TCF4: variants seen among roughly 807,000 people sequenced by gnomAD.
TCF4 encodes transcription factor 4, also known as SL3-3 enhancer factor 2.
Under a neutral mutation model 82.1 loss-of-function variants are expected in TCF4, and 3 were observed. The ratio of observed to expected loss-of-function variants is 0.04; its 90% confidence interval spans 0.02 to 0.09. TCF4 has a LOEUF of 0.09. Ranked by LOEUF, TCF4 falls within the 10% of genes least tolerant of loss-of-function variation. The probability of loss-of-function intolerance (pLI) is 1.00; values close to 1 mark genes in which losing one functional copy is unlikely to be tolerated. For synonymous variants in TCF4, 276 were observed against 309.6 expected, an observed-to-expected ratio of 0.89 and a Z score of 1.14; for missense variants, 518 against 852.7, an observed-to-expected ratio of 0.61 and a Z score of 4.89.
chr18:55,569,054 ACT>A (rs1478852722), intron 3 of TCF4, among the ~76,000 whole-genome samples: 3 of 152,124 alleles, frequency 2.0e-5, no homozygotes, highest in Non-Finnish European at 4.4e-5. Flanking sequence ...CATGATAAAA[ACT>A]CTTCATGAAA....
intron 3 of TCF4, among the ~76,000 whole-genome samples, chr18:55,490,402 T>C (rs2096563742): frequency 6.6e-6 from 1 of 152,174 alleles, no homozygotes; most frequent in Non-Finnish European, 1.5e-5. Context: ...GCAGGAGTAA[T>C]ATACTTAATC....
intron 6 of TCF4, among the ~76,000 whole-genome samples, chr18:55,386,294 C>G (rs2092598070): frequency 1.3e-5 from 2 of 152,220 alleles, no homozygotes; most frequent in Admixed American, 1.3e-4. Flanking sequence ...ATAATACCAT[C>G]CACTTAGACC....
At position 55,515,792 on chromosome 18, in the gene TCF4, T is replaced by C. The variant is rs557957498; in HGVS notation, c.146-51655A>G. 4.2e-4 allele frequency among the ~76,000 whole-genome samples: 64 copies of C among 152,252 alleles called. 1 individual carries two copies. In the South Asian group the frequency reaches 8.7e-3, roughly 21 times the overall value. On this transcript the variant is annotated intron_variant, in intron 3 of 19. Transcript: ENST00000354452. The stretch of plus-strand genomic sequence containing the variant: ...GGACAGAACAAAATGAAGAGAAAAG[T>C]TAGTCTCAAAATTTGGAGGGGGGTG...
Position 55,562,428 on chromosome 18 carries a change from C to T in TCF4, c.145+22852G>A, listed in dbSNP as rs976381549. Among the ~76,000 whole-genome samples, 4 of 152,222 alleles carry T rather than the reference C, an allele frequency of 2.6e-5. No individual in the cohort carries two copies. The South Asian group carries it at 6.2e-4, about 24-fold the overall frequency. On this transcript the variant is annotated intron_variant, in intron 3 of 19. Coordinates refer to ENST00000354452, the MANE Select transcript of TCF4 (RefSeq NM_001083962.2). ...TTTTTAGCTTTATAAAATCAAACCA[C>T]GGAAATGTATATTTGAACCAGTGTC... is the stretch of plus-strand genomic sequence containing the variant.
chr18:55,625,810 TTTTA>T (rs1438832222), intron 2 of TCF4, among the ~76,000 whole-genome samples: 57 of 152,356 alleles, frequency 3.7e-4, no homozygotes, highest in Non-Finnish European at 5.9e-5. Flanking sequence ...AGGAAGTATT[TTTTA>T]TTTCTTTCCT....
chr18:55,228,088 T>A, intron 19 of TCF4, 58 bp from the exon 20 acceptor site: 1 of 1,149,080 alleles, frequency 8.7e-7, no homozygotes, highest in Non-Finnish European at 1.2e-6. Context: ...AGAAAAAGTA[T>A]GCTTTTTTTA....
intron 8 of TCF4, among the ~76,000 whole-genome samples, chr18:55,325,853 G>C (rs1026782398): frequency 1.1e-4 from 16 of 152,076 alleles, no homozygotes; most frequent in African/African-American, 3.4e-4. Flanking sequence ...ACATAACATA[G>C]TGTGAACAAG....
At chr18:55,418,911 C>T (rs1011936791) in intron 5 of TCF4, among the ~76,000 whole-genome samples, 3 of 152,132 alleles carry the variant, frequency 2.0e-5, no homozygotes, top group African/African-American at 4.8e-5. Context: ...ATTACACTTG[C>T]CCACACACAC....
intron 3 of TCF4, among the ~76,000 whole-genome samples, chr18:55,565,691 T>TA (rs2097398437): frequency 6.6e-6 from 1 of 151,952 alleles, no homozygotes; most frequent in African/African-American, 2.4e-5. Context: ...TGTTAGAAAA[T>TA]ATCTATAAAA....
intron 11 of TCF4, among the ~76,000 whole-genome samples, chr18:55,262,541 A>C (rs2058276788): frequency 6.6e-6 from 1 of 152,170 alleles, no homozygotes; most frequent in South Asian, 2.1e-4. Flanking sequence ...AGGTTAAATC[A>C]CCCAATGAAT....
chr18:55,618,633 G>C (rs2097714540), intron 2 of TCF4, among the ~76,000 whole-genome samples: 1 of 151,670 alleles, frequency 6.6e-6, no homozygotes, highest in Non-Finnish European at 1.5e-5. Flanking sequence ...CCAGGATAAA[G>C]TGCAGTGGCA....
intron 8 of TCF4, among the ~76,000 whole-genome samples, chr18:55,291,942 A>G (rs2065191312): frequency 6.6e-6 from 1 of 152,206 alleles, no homozygotes; most frequent in Admixed American, 6.5e-5. Flanking sequence ...CATATGAGCT[A>G]AAGAAATGTA....
At chr18:55,336,312 T>A (rs2078626310) in intron 8 of TCF4, among the ~76,000 whole-genome samples, 2 of 152,106 alleles carry the variant, frequency 1.3e-5, no homozygotes, top group South Asian at 4.1e-4. Flanking sequence ...CATTTTTTTT[T>A]ACTACTATAT....
chr18:55,333,967 T>C (rs1173911468), intron 8 of TCF4, among the ~76,000 whole-genome samples: 1 of 152,160 alleles, frequency 6.6e-6, no homozygotes, highest in Non-Finnish European at 1.5e-5. Flanking sequence ...TGTGACCCCT[T>C]TCATGAATTT....
chr18:55,513,494 A>C (rs888445235), intron 3 of TCF4, among the ~76,000 whole-genome samples: 6 of 151,934 alleles, frequency 3.9e-5, no homozygotes, highest in African/African-American at 1.5e-4. Flanking sequence ...GAAAGAGTGT[A>C]GTTTTCCTAA....
intron 5 of TCF4, chr18:55,422,654 G>C: frequency 4.9e-6 from 1 of 206,112 alleles, no homozygotes; most frequent in Non-Finnish European, 8.5e-6. Context: ...TGAAAAGTTG[G>C]CAGAGCCGCC....
chr18:55,382,494 A>C (rs2092072859), intron 6 of TCF4, among the ~76,000 whole-genome samples: 1 of 152,154 alleles, frequency 6.6e-6, no homozygotes, highest in African/African-American at 2.4e-5. Flanking sequence ...AATGTGAAAA[A>C]AAAGTCTTAG....
chr18:55,354,971 A>G (rs1054808748), intron 6 of TCF4, among the ~76,000 whole-genome samples: 4 of 152,324 alleles, frequency 2.6e-5, no homozygotes, highest in Non-Finnish European at 4.4e-5. Context: ...TGCAGAACAG[A>G]GAAAAGCAGT....
intron 6 of TCF4, among the ~76,000 whole-genome samples, chr18:55,384,877 G>A (rs945471852): frequency 1.2e-4 from 19 of 152,184 alleles, no homozygotes; most frequent in African/African-American, 4.1e-4. Flanking sequence ...TAGGGATTCT[G>A]TAGAGCAGAA....
Sources: allele counts gnomAD v4.1 joint callset (sites outside exome capture counted in the v4.1 genomes callset), GRCh38; gene constraint gnomAD v4.1.1; transcripts MANE v1.5; gene names NCBI Gene and HGNC (gene_info 2026-07-23, HGNC 2026-07-21).